KCNQ1: variants seen among roughly 807,000 people sequenced by gnomAD.
KCNQ1 encodes potassium voltage-gated channel subfamily KQT member 1.
In KCNQ1, 49 loss-of-function variants were observed where a neutral mutation model predicts 72.4. The ratio of observed to expected loss-of-function variants is 0.68; its 90% CI spans 0.54 to 0.86. The LOEUF is 0.86. Among genes scored for constraint, KCNQ1 ranks in the 40% least tolerant of loss-of-function variants. The probability of loss-of-function intolerance (pLI) is 0.00; values close to 1 mark genes in which losing one functional copy is unlikely to be tolerated. For missense variants in KCNQ1, 790 were observed against 945.1 expected, an observed-to-expected ratio of 0.84 and a Z score of 2.15; for synonymous variants, 450 against 412.6, an observed-to-expected ratio of 1.09 and a Z score of -1.10.
At chr11:2,456,160 A>G (rs986659695) in intron 1 of KCNQ1, among the ~76,000 whole-genome samples, 2 of 152,160 alleles carry the variant, frequency 1.3e-5, no homozygotes, top group African/African-American at 4.8e-5. Flanking sequence ...CAAGGTGGTG[A>G]AACCCCATCT....
At chr11:2,665,790 TAAGATGAAGCA>T (rs1850056756) in intron 11 of KCNQ1, 1 of 398,342 alleles carries the variant, frequency 2.5e-6, no homozygotes. Context: ...CAACCCTGCC[TAAGATGAAGCA>T]AGGACTGCAG....
rs561602501 is a variant in KCNQ1, at chr11:2,524,479, G to A, written c.387-3449G>A. ...TGTCACAGTCTGGCAGGGTCTCGTG[G>A]GGGTCTGTGTTACTGTCTGCAAAGC... On this transcript the variant is annotated intron_variant, in intron 1 of 15. Transcript: ENST00000155840. Among the ~76,000 whole-genome samples, 11 of 152,328 alleles carry A rather than the reference G, an allele frequency of 7.2e-5. No homozygotes were observed. In the South Asian group the frequency reaches 2.3e-3, roughly 32 times the overall value.
intron 10 of KCNQ1, chr11:2,650,202 G>T (rs1254409911): frequency 5.0e-6 from 2 of 398,206 alleles, no homozygotes; most frequent in Admixed American, 8.8e-5. Context: ...TTCCTGATAT[G>T]TTTGTATTGT....
Position 2,671,522 on chromosome 11 carries a change from CA to C in KCNQ1, c.1514+9444del, listed in dbSNP as rs1850183468. 2.5e-6 allele frequency: 1 copy of C among 398,504 alleles called. No individual in the cohort carries two copies. Among genetic ancestry groups the C allele is most frequent in the Non-Finnish European group, 4.4e-6 (1 of 226,084 alleles). 24.7% of individuals were successfully genotyped at this position (398,504 alleles called of 1,614,324 possible). ...TTTAGGGCCAATTCAAGGGATTTTT[CA>C]AAGGTTAATTTTGACTCTGCCTGAC... On this transcript the variant is annotated intron_variant, in intron 11 of 15. Transcript: ENST00000155840. This position sits in a 1 kb window ranked among gnomAD's most constrained non-coding sequence, Gnocchi z 4.7.
chr11:2,820,777 G>C (rs1180889508), intron 15 of KCNQ1, among the ~76,000 whole-genome samples: 1 of 152,222 alleles, frequency 6.6e-6, no homozygotes, highest in Non-Finnish European at 1.5e-5. Flanking sequence ...TTGAGGGTTT[G>C]AGTCTGCGTG....
chr11:2,514,827 A>G (rs1360349589), intron 1 of KCNQ1, among the ~76,000 whole-genome samples: 2 of 152,148 alleles, frequency 1.3e-5, no homozygotes, highest in South Asian at 2.1e-4. Context: ...CTCCGTCTCG[A>G]AAAGAGACTT....
In KCNQ1 at chr11:2,677,917, T is replaced by C. The variant is rs773662149; in HGVS notation, c.1514+15836T>C. ...CTTACCAAGTGTATACTCAGGTTTTTATCTTCATTCATTTCATAGATGAGA... is the reference window on the plus strand; with the variant it reads ...CTTACCAAGTGTATACTCAGGTTTTCATCTTCATTCATTTCATAGATGAGA... On this transcript the variant is annotated intron_variant, in intron 11 of 15. Transcript: ENST00000155840. The surrounding 1 kb of genome is among the most constrained non-coding windows in gnomAD (Gnocchi z 4.5). 1 of 398,596 alleles carries C rather than the reference T, an allele frequency of 2.5e-6. No homozygotes were observed. Among genetic ancestry groups the C allele is most frequent in the Non-Finnish European group, 4.4e-6 (1 of 226,042 alleles). 24.7% of individuals were successfully genotyped at this position (398,596 alleles called of 1,614,324 possible). A position where few individuals can be genotyped will look rare whatever the true frequency, so the allele number is the denominator to read the frequency against.
chr11:2,465,814 C>T (rs1444576119), intron 1 of KCNQ1, among the ~76,000 whole-genome samples: 1 of 152,200 alleles, frequency 6.6e-6, no homozygotes, highest in South Asian at 2.1e-4. Flanking sequence ...ATCCACGGCT[C>T]CCCTTGGGCC....
At chr11:2,453,518 C>T (rs888411279) in intron 1 of KCNQ1, among the ~76,000 whole-genome samples, 5 of 152,178 alleles carry the variant, frequency 3.3e-5, no homozygotes, top group Admixed American at 3.3e-4. Flanking sequence ...ATGTGAATAC[C>T]ACTCACAGGA....
intron 10 of KCNQ1, chr11:2,631,476 TTAATGA>T (rs1849352167): frequency 7.6e-6 from 3 of 395,984 alleles, no homozygotes; most frequent in Non-Finnish European, 1.3e-5. Flanking sequence ...CTTTTGTGTA[TTAATGA>T]TTTCATTAGG....
rs1015422306 is a variant in KCNQ1 at position 2,826,842 on chromosome 11, G to A, written c.1795-20925G>A. Among the ~76,000 whole-genome samples the A allele has an allele frequency of 1.3e-5, 2 of 152,216 alleles. No homozygotes were observed. Among genetic ancestry groups the A allele is most frequent in the Non-Finnish European group, 2.9e-5 (2 of 68,042 alleles). ...TGCTCACAGCCAGAGAGACACACAG[G>A]CCAGCAGCCTGTAAACCACTGGGTG... On this transcript the variant is annotated intron_variant, in intron 15 of 15. Transcript: ENST00000155840. This position sits in a 1 kb window ranked among gnomAD's most constrained non-coding sequence, Gnocchi z 4.2.
Position 2,457,955 on chromosome 11 carries a change from G to A in KCNQ1, c.386+12471G>A, listed in dbSNP as rs1351057598. Among the ~76,000 whole-genome samples the A allele has an allele frequency of 6.6e-6, 1 of 152,002 alleles. No individual in the cohort carries two copies. Among genetic ancestry groups the A allele is most frequent in the Non-Finnish European group, 1.5e-5 (1 of 68,006 alleles). ...TTTCCTGGAAAGGCCCAGGACCAAG[G>A]ACCACTCAGCAGCTAAGAGCATCTC... is the stretch of plus-strand genomic sequence containing the variant. On this transcript the variant is annotated intron_variant, in intron 1 of 15. Transcript: ENST00000155840. The surrounding 1 kb of genome is among the most constrained non-coding windows in gnomAD (Gnocchi z 5.0).
chr11:2,450,706 C>T lies in KCNQ1; in HGVS notation c.386+5222C>T, dbSNP rs1178375936. On this transcript the variant is annotated intron_variant, in intron 1 of 15. Transcript: ENST00000155840. This position sits in a 1 kb window ranked among gnomAD's most constrained non-coding sequence, Gnocchi z 7.9. ...GCTCCTCCAACCACCATGAGAAACC[C>T]CAGACCTCACAGATGCAAAATTATC... is the stretch of plus-strand genomic sequence containing the variant. 6.6e-5 allele frequency among the ~76,000 whole-genome samples: 10 copies of T among 152,146 alleles called. No homozygotes were observed. Among genetic ancestry groups the T allele is most frequent in the Admixed American group, 3.9e-4 (6 of 15,284 alleles).
rs576295297 is a variant in KCNQ1, at chr11:2,447,983, A to C, written c.386+2499A>C. Among the ~76,000 whole-genome samples, 2 of 152,250 alleles carry C rather than the reference A, an allele frequency of 1.3e-5. No homozygotes were observed. The highest frequency in any genetic ancestry group is 4.1e-4 in the South Asian group (2 of 4,822). ...CCTCCCTGGGCTGGCCGGGGTGGAC[A>C]CGGCACCTGGGCCACAACTCTTGCC... On this transcript the variant is annotated intron_variant, in intron 1 of 15. Transcript: ENST00000155840. The surrounding 1 kb of genome is among the most constrained non-coding windows in gnomAD (Gnocchi z 7.6).
chr11:2,841,600 G>A (rs1475018442), intron 15 of KCNQ1, among the ~76,000 whole-genome samples: 1 of 152,242 alleles, frequency 6.6e-6, no homozygotes, highest in Non-Finnish European at 1.5e-5. Flanking sequence ...AGGAATCTGA[G>A]CTCCCGCTGG....
rs879588128 is a variant in KCNQ1, at chr11:2,687,256, G to A, written c.1514+25175G>A. On this transcript the variant is annotated intron_variant, in intron 11 of 15. Transcript: ENST00000155840. This position sits in a 1 kb window ranked among gnomAD's most constrained non-coding sequence, Gnocchi z 5.0. ...CTCAGCCAGCATCACTACCAGCTCC[G>A]GGCTTCTCTCCTCTGGCCTCCCACC... 3.8e-5 allele frequency: 15 copies of A among 398,488 alleles called. No homozygotes were observed. Among genetic ancestry groups the A allele is most frequent in the East Asian group, 7.1e-5 (2 of 28,088 alleles). 24.7% of individuals were successfully genotyped at this position (398,488 alleles called of 1,614,324 possible).
At chr11:2,643,105 C>T in intron 10 of KCNQ1, 1 of 397,934 alleles carries the variant, frequency 2.5e-6, no homozygotes, top group Non-Finnish European at 4.4e-6. Flanking sequence ...GAGAGTGTTC[C>T]ATGTACTGAT....
chr11:2,788,943 C>T (rs1339596311), intron 15 of KCNQ1, among the ~76,000 whole-genome samples: 1 of 152,158 alleles, frequency 6.6e-6, no homozygotes, highest in Non-Finnish European at 1.5e-5. Context: ...CAGGAGGCCC[C>T]TGGGGCCAGG....
chr11:2,461,725 CG>C (rs1340922541), intron 1 of KCNQ1: 4 of 1,366,286 alleles, frequency 2.9e-6, no homozygotes, highest in African/African-American at 3.0e-5. Context: ...GTAGGTACCC[CG>C]GGGGTGGACA....
Sources: allele counts gnomAD v4.1 joint callset (sites outside exome capture counted in the v4.1 genomes callset), GRCh38; gene constraint gnomAD v4.1.1; non-coding constraint Gnocchi (gnomAD v3.1); transcripts MANE v1.5; gene names NCBI Gene and HGNC (gene_info 2026-07-23, HGNC 2026-07-21).